The following OBI1 variants were observed in gnomAD, a reference collection of about 807,000 sequenced individuals.
The protein encoded by OBI1 is ORC ubiquitin ligase 1.
OBI1 carries 59 observed loss-of-function variants against 62.4 expected under a neutral mutation model. The observed-to-expected ratio is 0.95, with a 90% CI of 0.77 to 1.17. The LOEUF (loss-of-function observed/expected upper bound fraction) is 1.17, where lower values mean the gene tolerates loss of function less well. OBI1 is among the 50% of genes most tolerant of loss of function. The pLI is 0.00. For synonymous variants in OBI1, 302 were observed against 292.8 expected (o/e 1.03, Z -0.32); for missense variants, 875 against 830.9 (o/e 1.05, Z -0.65).
chr13:78,629,745 G>A (rs1017585569), intron 5 of OBI1, among the ~76,000 whole-genome samples: 3 of 152,092 alleles, frequency 2.0e-5, no homozygotes, highest in Non-Finnish European at 4.4e-5. Flanking sequence ...ACCATGTGGG[G>A]ATGTGACACG....
intron 3 of OBI1, among the ~76,000 whole-genome samples, chr13:78,640,060 T>C (rs1464325599): frequency 1.3e-5 from 2 of 149,380 alleles, no homozygotes; most frequent in Non-Finnish European, 3.0e-5. Flanking sequence ...ATCCAGAAAA[T>C]AAGAAAAGTC....
At chr13:78,640,001 AAAAC>A (rs1257962068) in intron 3 of OBI1, among the ~76,000 whole-genome samples, 1 of 152,164 alleles carries the variant, frequency 6.6e-6, no homozygotes, top group Admixed American at 6.5e-5. Context: ...ATTAAAAACA[AAAAC>A]AAAAACAAAA....
At chr13:78,650,020 G>C (rs1350303208) in intron 1 of OBI1, among the ~76,000 whole-genome samples, 1 of 152,210 alleles carries the variant, frequency 6.6e-6, no homozygotes, top group Non-Finnish European at 1.5e-5. Flanking sequence ...ATTTACTAGG[G>C]ATAGGTAGCA....
rs1875326425 is a variant in OBI1 at position 78,617,017 on chromosome 13, C to T, written c.744G>A (p.Glu248=). 1 of 1,614,132 alleles carries T rather than the reference C, an allele frequency of 6.2e-7. No homozygotes were observed. Among genetic ancestry groups the T allele is most frequent in the East Asian group, 2.2e-5 (1 of 44,880 alleles). ...KALERSDKYI[E]ELESQVAQLK... ...GCTGTGCAACTTGAGATTCTAGTTC[C>T]TCTATATACTTATCACTTCGTTCCA... The change falls in exon 6 of 6, where the codon GAG becomes GAA. Residue 248 remains glutamate (E), a synonymous_variant. Coordinates refer to ENST00000282003, the MANE Select transcript of OBI1 (RefSeq NM_024546.4).
In OBI1 at chr13:78,618,853, T is replaced by C. The variant is rs2182214; in HGVS notation, c.639-1731A>G. On this transcript the variant is annotated intron_variant, in intron 5 of 5. Coordinates refer to ENST00000282003, the MANE Select transcript of OBI1 (RefSeq NM_024546.4). ...TTAAAAATGTTTTGGCTTATAAATG[T>C]AGTACTTCACAGAGTTGTAGTTCTG... Among the ~76,000 whole-genome samples the C allele has an allele frequency of 3.3e-5, 5 of 152,190 alleles. No individual in the cohort carries two copies. In the South Asian group the frequency reaches 1.0e-3, roughly 31 times the overall value.
Position 78,636,101 on chromosome 13 carries a change from C to T in OBI1, c.550-903G>A, listed in dbSNP as rs534667248. Among the ~76,000 whole-genome samples, 8 of 151,506 alleles carry T rather than the reference C, an allele frequency of 5.3e-5. No individual in the cohort carries two copies. In the South Asian group the frequency reaches 1.5e-3, roughly 28 times the overall value. The stretch of plus-strand genomic sequence containing the variant: ...CTAATAAATTCTATGAATTGTTCTT[C>T]GATTAAAAAAAAAATCCTTCCAAGT... On this transcript the variant is annotated intron_variant, in intron 4 of 5. Transcript: ENST00000282003.
chr13:78,642,603 G>T (rs879371102), intron 2 of OBI1, among the ~76,000 whole-genome samples: 2 of 152,180 alleles, frequency 1.3e-5, no homozygotes, highest in Non-Finnish European at 2.9e-5. Context: ...ATGTATTACT[G>T]GCTGGGTGCA....
chr13:78,652,455 T>G (rs1419455018), intron 1 of OBI1, among the ~76,000 whole-genome samples: 1 of 151,142 alleles, frequency 6.6e-6, no homozygotes, highest in Non-Finnish European at 1.5e-5. Flanking sequence ...CAATTTACTC[T>G]CAAATGAGAC....
intron 1 of OBI1, among the ~76,000 whole-genome samples, chr13:78,655,952 GAA>G (rs1319857674): frequency 6.6e-6 from 1 of 152,146 alleles, no homozygotes; most frequent in African/African-American, 2.4e-5. Flanking sequence ...CTATAAAAAA[GAA>G]AAGAGACATG....
At position 78,658,968 on chromosome 13, in the gene OBI1, C is replaced by T; in HGVS notation, c.72+81G>A. 7.6e-6 allele frequency: 10 copies of T among 1,310,560 alleles called. No individual in the cohort carries two copies. In the South Asian group the frequency reaches 8.6e-5, roughly 11 times the overall value. 81.2% of individuals were successfully genotyped at this position (1,310,560 alleles called of 1,614,324 possible). ...CTCCGCGCCTCACGCCCCTTCCCCG[C>T]CCCCGCACGAGACGGCCCTCGGCCC... On this transcript the variant is annotated intron_variant, in intron 1 of 5. Coordinates refer to ENST00000282003, the MANE Select transcript of OBI1 (RefSeq NM_024546.4).
chr13:78,652,517 G>C (rs1289019535), intron 1 of OBI1, among the ~76,000 whole-genome samples: 1 of 152,096 alleles, frequency 6.6e-6, no homozygotes, highest in Non-Finnish European at 1.5e-5. Flanking sequence ...CAAAAAAATG[G>C]CAATGGTAAG....
chr13:78,659,122 GC>G lies in OBI1; in HGVS notation c.-3del. The stretch of plus-strand genomic sequence containing the variant: ...AACATTCTGCACGGTCTGAGCCATG[GC>G]AGCGTTCAGAATCCCGCCAACACGG... On this transcript the variant is annotated 5_prime_UTR_variant, in exon 1 of 6. Transcript: ENST00000282003. The G allele has an allele frequency of 6.2e-7, 1 of 1,610,238 alleles. No homozygotes were observed. The highest frequency in any genetic ancestry group is 1.1e-5 in the South Asian group (1 of 90,538).
At chr13:78,652,505 G>C (rs1876574227) in intron 1 of OBI1, among the ~76,000 whole-genome samples, 1 of 151,856 alleles carries the variant, frequency 6.6e-6, no homozygotes, top group Non-Finnish European at 1.5e-5. Context: ...AAAAATGCAA[G>C]ACAAAAAAAT....
intron 1 of OBI1, among the ~76,000 whole-genome samples, chr13:78,658,624 TAC>T (rs1876783273): frequency 6.6e-6 from 1 of 152,190 alleles, no homozygotes; most frequent in Admixed American, 6.5e-5. Context: ...GAACACTAGT[TAC>T]AGAGGACTAA....
At chr13:78,647,935 G>A (rs1876432515) in intron 1 of OBI1, among the ~76,000 whole-genome samples, 2 of 152,022 alleles carry the variant, frequency 1.3e-5, no homozygotes, top group African/African-American at 4.8e-5. Flanking sequence ...ACTTCTTGGA[G>A]AAACTTAATT....
chr13:78,621,157 T>C (rs1176771507), intron 5 of OBI1, among the ~76,000 whole-genome samples: 2 of 152,242 alleles, frequency 1.3e-5, no homozygotes, highest in Non-Finnish European at 2.9e-5. Context: ...GTGTGGCCTA[T>C]CTGACAGGTT....
chr13:78,653,996 T>G (rs1427279535), intron 1 of OBI1, among the ~76,000 whole-genome samples: 1 of 150,114 alleles, frequency 6.7e-6, no homozygotes, highest in Non-Finnish European at 1.5e-5. Context: ...AAATCCCTGG[T>G]TCTGGGCCAG....
In OBI1 at chr13:78,628,842, A is replaced by G. The variant is rs191138641; in HGVS notation, c.638+6268T>C. Among the ~76,000 whole-genome samples, 339 of 152,318 alleles carry G rather than the reference A, an allele frequency of 2.2e-3. 3 individuals carry two copies. The Middle Eastern group carries it at 0.027, about 12-fold the overall frequency. On this transcript the variant is annotated intron_variant, in intron 5 of 5. Transcript: ENST00000282003. ...GTGCTCTGTGGTTAATTTGAGGTAT[A>G]GAATCTCTGGTAAAGGCACAAAAAA... is the stretch of plus-strand genomic sequence containing the variant.
chr13:78,625,773 A>C (rs1035385865), intron 5 of OBI1, among the ~76,000 whole-genome samples: 1 of 152,208 alleles, frequency 6.6e-6, no homozygotes, highest in South Asian at 2.1e-4. Context: ...CTGACAGTCT[A>C]CAAGTTCCCC....
Sources: gnomAD v4.1 joint callset for allele counts (sites outside exome capture counted in the v4.1 genomes callset) on GRCh38, gnomAD v4.1.1 for gene constraint, MANE v1.5 for transcripts, NCBI Gene and HGNC (gene_info 2026-07-23, HGNC 2026-07-21) for gene names.